The following ROBO2 variants were observed in gnomAD, a reference collection of about 807,000 sequenced individuals.
The protein encoded by ROBO2 is roundabout guidance receptor 2.
A neutral mutation model predicts 160.8 loss-of-function variants in ROBO2; 53 were observed. The ratio of observed to expected loss-of-function variants is 0.33; its 90% confidence interval spans 0.26 to 0.41. ROBO2 has a LOEUF of 0.41. Among genes scored for constraint, ROBO2 ranks in the 10% least tolerant of loss-of-function variants. ROBO2 has a pLI of 1.00. For missense variants in ROBO2, 1,577 were observed against 1,722.4 expected (o/e 0.92, Z 1.49); for synonymous variants, 664 against 611.7 (o/e 1.09, Z -1.26).
chr3:77,493,496 CAT>C (rs2086399152), intron 5 of ROBO2, 114 bp downstream of exon 5: 3 of 1,191,556 alleles, frequency 2.5e-6, no homozygotes, highest in Middle Eastern at 1.9e-4. Flanking sequence ...TACTTTCACT[CAT>C]GTGATTTTTA....
At chr3:77,433,487 TATA>T (rs2153544077) in intron 2 of ROBO2, among the ~76,000 whole-genome samples, 1 of 19,904 alleles carries the variant, frequency 5.0e-5, no homozygotes, top group Non-Finnish European at 7.5e-5. Context: ...TGGCAACTTG[TATA>T]TATATATATA....
chr3:76,495,433 G>A (rs1256597138), intron 2 of ROBO2, among the ~76,000 whole-genome samples: 1 of 151,958 alleles, frequency 6.6e-6, no homozygotes, highest in Non-Finnish European at 1.5e-5. Flanking sequence ...AGTGAAAAGC[G>A]ATGAAAACTT....
At chr3:76,171,352 A>G (rs1302619286) in intron 2 of ROBO2, among the ~76,000 whole-genome samples, 1 of 152,084 alleles carries the variant, frequency 6.6e-6, no homozygotes, top group African/African-American at 2.4e-5. Flanking sequence ...AAGAAAAAAA[A>G]AAAACCTCTG....
chr3:75,927,276 A>T (rs145109733), intron 1 of ROBO2, among the ~76,000 whole-genome samples: 15 of 152,332 alleles, frequency 9.8e-5, no homozygotes, highest in African/African-American at 3.4e-4. Context: ...CCAATTTTTA[A>T]ATTTCTCTGC....
intron 2 of ROBO2, among the ~76,000 whole-genome samples, chr3:76,313,268 G>A (rs1020849589): frequency 2.6e-5 from 4 of 152,192 alleles, no homozygotes; most frequent in Admixed American, 6.5e-5. Context: ...GAGTTCCTGC[G>A]ATGTAGCCTC....
intron 2 of ROBO2, among the ~76,000 whole-genome samples, chr3:76,803,491 GA>G (rs1364982439): frequency 3.3e-5 from 5 of 149,646 alleles, no homozygotes; most frequent in African/African-American, 1.2e-4. Flanking sequence ...GAGGGAGGGA[GA>G]GAGGAAGGGA....
chr3:77,143,070 TAATACCAGC>T (rs2076832151), intron 2 of ROBO2, among the ~76,000 whole-genome samples: 1 of 151,516 alleles, frequency 6.6e-6, no homozygotes, highest in South Asian at 2.1e-4. Context: ...CTGTGTGTCT[TAATACCAGC>T]AAGCAAACCA....
chr3:76,138,224 TA>T (rs2071500598), intron 2 of ROBO2, among the ~76,000 whole-genome samples: 1 of 151,860 alleles, frequency 6.6e-6, no homozygotes, highest in South Asian at 2.1e-4. Flanking sequence ...AGACAAATAG[TA>T]ATAGAGAAAA....
At chr3:76,370,198 CTT>C (rs1464057341) in intron 2 of ROBO2, among the ~76,000 whole-genome samples, 8 of 151,564 alleles carry the variant, frequency 5.3e-5, no homozygotes, top group Non-Finnish European at 1.0e-4. Context: ...CCAGTGGAAA[CTT>C]TGCATTCCCT....
chr3:77,359,323 G>C (rs2069589369), intron 2 of ROBO2, among the ~76,000 whole-genome samples: 1 of 152,152 alleles, frequency 6.6e-6, no homozygotes, highest in Admixed American at 6.5e-5. Context: ...ACTGTGGCTG[G>C]AGTGTGATCA....
At chr3:77,569,761 A>T (rs150436190) in intron 13 of ROBO2, among the ~76,000 whole-genome samples, 220 of 151,914 alleles carry the variant, frequency 1.4e-3, no homozygotes, top group African/African-American at 4.9e-3. Flanking sequence ...TTATTGTTCC[A>T]TGTTGTTACT....
At chr3:76,915,922 G>A (rs2076276334) in intron 2 of ROBO2, among the ~76,000 whole-genome samples, 1 of 152,128 alleles carries the variant, frequency 6.6e-6, no homozygotes, top group Non-Finnish European at 1.5e-5. Flanking sequence ...CTTTCTTCTT[G>A]CTGTATCCTC....
chr3:77,119,007 G>T (rs948221427), intron 2 of ROBO2, among the ~76,000 whole-genome samples: 24 of 152,112 alleles, frequency 1.6e-4, no homozygotes, highest in East Asian at 1.9e-4. Context: ...GGAGGTGATT[G>T]GATCATGGGT....
intron 2 of ROBO2, among the ~76,000 whole-genome samples, chr3:76,773,110 A>G (rs1490780944): frequency 6.6e-6 from 1 of 151,114 alleles, no homozygotes; most frequent in Admixed American, 6.6e-5. Context: ...TTCCATGTAA[A>G]GAGAAGTGCA....
chr3:77,525,218 T>G (rs1582701277), intron 6 of ROBO2, among the ~76,000 whole-genome samples: 1 of 142,360 alleles, frequency 7.0e-6, no homozygotes, highest in Non-Finnish European at 1.5e-5. Flanking sequence ...ATTTGCTGAT[T>G]TTGAAAACAT....
chr3:76,205,272 G>A (rs1292158579), intron 2 of ROBO2, among the ~76,000 whole-genome samples: 1 of 152,152 alleles, frequency 6.6e-6, no homozygotes, highest in Admixed American at 6.6e-5. Context: ...CAGAAATGCT[G>A]CTGCTTCTTT....
At chr3:76,794,610 A>AT (rs1436047160) in intron 2 of ROBO2, among the ~76,000 whole-genome samples, 3 of 151,922 alleles carry the variant, frequency 2.0e-5, no homozygotes, top group African/African-American at 7.2e-5. Flanking sequence ...GTTTTAAGCC[A>AT]TTTTTTGACC....
chr3:77,056,382 C>G (rs1321963506), intron 1 of ROBO2, among the ~76,000 whole-genome samples: 2 of 152,086 alleles, frequency 1.3e-5, no homozygotes, highest in Non-Finnish European at 2.9e-5. Flanking sequence ...GATTAGACAA[C>G]AAATTAAAGA....
chr3:77,046,990 G>C (rs2064739036), intron 1 of ROBO2, among the ~76,000 whole-genome samples: 1 of 152,162 alleles, frequency 6.6e-6, no homozygotes, highest in Non-Finnish European at 1.5e-5. Context: ...GTATAGTCTT[G>C]AGAACTCAGA....
Sources: gnomAD v4.1 joint callset for allele counts (sites outside exome capture counted in the v4.1 genomes callset) on GRCh38, gnomAD v4.1.1 for gene constraint, MANE v1.5 for transcripts, NCBI Gene and HGNC (gene_info 2026-07-23, HGNC 2026-07-21) for gene names.